The following UCHL5 variants were observed in gnomAD, a reference collection of about 807,000 sequenced individuals.
UCHL5 encodes ubiquitin C-terminal hydrolase L5, also known as ubiquitin carboxyl-terminal hydrolase isozyme L5.
UCHL5 carries 34 observed loss-of-function variants against 53.8 expected under a neutral mutation model. The ratio of observed to expected loss-of-function variants is 0.63; its 90% CI spans 0.48 to 0.84. The LOEUF (loss-of-function observed/expected upper bound fraction) is 0.84. Ranked by LOEUF, UCHL5 falls within the 40% of genes least tolerant of loss-of-function variation. The pLI is 0.00. For missense variants in UCHL5, 290 were observed against 385.6 expected (o/e 0.75, Z 2.08); for synonymous variants, 111 against 126.3 (o/e 0.88, Z 0.81).
At chr1:193,059,479 C>T (rs771708450), upstream of UCHL5, 1 of 1,606,324 alleles carries the variant, frequency 6.2e-7, no homozygotes, top group South Asian at 1.1e-5. The surrounding 1 kb of genome is among the most constrained non-coding windows in gnomAD (Gnocchi z 4.9). Context: ...CTTCCCAGGC[C>T]TTGCAGCACC....
At chr1:193,047,942 T>C (rs1667869585) in intron 3 of UCHL5, among the ~76,000 whole-genome samples, 2 of 152,206 alleles carry the variant, frequency 1.3e-5, no homozygotes, top group Admixed American at 6.5e-5. Flanking sequence ...AAAAAAGTCT[T>C]TGATAAAGCA....
chr1:193,057,240 TC>T (rs1277887277), intron 1 of UCHL5: 1 of 153,176 alleles, frequency 6.5e-6, no homozygotes, highest in African/African-American at 2.4e-5. Flanking sequence ...CCTCTTTTTT[TC>T]CCCAACTTTT....
intron 3 of UCHL5, among the ~76,000 whole-genome samples, chr1:193,036,317 C>CAAAAAAAAAAA (rs960496083): frequency 3.9e-4 from 20 of 50,778 alleles, no homozygotes; most frequent in East Asian, 6.6e-4. Context: ...AACTGGAAAC[C>CAAAAAAAAAAA]AAAAAAAAAA....
chr1:193,020,399 G>A, intron 10 of UCHL5: 1 of 1,546,800 alleles, frequency 6.5e-7, no homozygotes, highest in South Asian at 1.2e-5. Flanking sequence ...ACACAGACCA[G>A]TTGCATTAGA....
At chr1:193,019,511 G>A (rs193205073) in intron 10 of UCHL5, among the ~76,000 whole-genome samples, 1 of 151,626 alleles carries the variant, frequency 6.6e-6, no homozygotes, top group East Asian at 1.9e-4. Flanking sequence ...TATTGCTTCT[G>A]GAATATTAAT....
chr1:193,023,096 A>C, intron 8 of UCHL5, 60 bp from the exon 9 acceptor site: 1 of 1,246,666 alleles, frequency 8.0e-7, no homozygotes, highest in Non-Finnish European at 1.2e-6. Context: ...CATTCAGAAT[A>C]TTTTAAAATG....
chr1:193,041,841 G>C (rs1016816918), intron 3 of UCHL5, among the ~76,000 whole-genome samples: 1 of 152,136 alleles, frequency 6.6e-6, no homozygotes, highest in African/African-American at 2.4e-5. Context: ...GAAAAAAGTA[G>C]GCCAGGCTTA....
chr1:193,020,589 CT>C, intron 10 of UCHL5: 3 of 1,101,364 alleles, frequency 2.7e-6, no homozygotes, highest in Non-Finnish European at 3.6e-6. Context: ...TTTATTGTTA[CT>C]TATGAAAAAA....
chr1:193,029,745 A>G (rs1421406452), intron 3 of UCHL5, 88 bp from the exon 4 acceptor site: 18 of 1,022,962 alleles, frequency 1.8e-5, no homozygotes, highest in East Asian at 5.4e-5. Context: ...AAACATGAAC[A>G]GTTTTCAAAT....
intron 6 of UCHL5, 41 bp from the exon 7 acceptor site, chr1:193,028,189 A>T: frequency 6.6e-7 from 1 of 1,506,684 alleles, no homozygotes; most frequent in Non-Finnish European, 8.9e-7. Context: ...AATAAAAATA[A>T]GAACAATCAA....
intron 10 of UCHL5, chr1:193,018,782 C>G (rs1655794305): frequency 1.9e-6 from 3 of 1,549,410 alleles, no homozygotes; most frequent in Admixed American, 2.0e-5. Context: ...TTGTTTCCTT[C>G]TATTCCTTCT....
intron 3 of UCHL5, among the ~76,000 whole-genome samples, chr1:193,049,187 T>C (rs1034698937): frequency 5.9e-5 from 9 of 152,022 alleles, no homozygotes; most frequent in African/African-American, 1.9e-4. Flanking sequence ...CCAAGGCGGG[T>C]GTATCACCTG....
chr1:193,023,788 T>G (rs1233852431), intron 8 of UCHL5, 56 bp downstream of exon 8: 1 of 1,313,452 alleles, frequency 7.6e-7, no homozygotes, highest in African/African-American at 1.5e-5. Flanking sequence ...AAGTAAATAC[T>G]TTTCCTGAGA....
At chr1:193,017,628 A>C (rs1655315319) in intron 10 of UCHL5, among the ~76,000 whole-genome samples, 1 of 151,674 alleles carries the variant, frequency 6.6e-6, no homozygotes. Flanking sequence ...TATTGATCTG[A>C]GTATACTTAA....
intron 3 of UCHL5, among the ~76,000 whole-genome samples, chr1:193,038,568 G>A (rs1287860003): frequency 6.6e-6 from 1 of 152,008 alleles, no homozygotes; most frequent in Non-Finnish European, 1.5e-5. Flanking sequence ...GAGCAACCAG[G>A]CAAGAGAAGG....
intron 10 of UCHL5, among the ~76,000 whole-genome samples, 164 bp downstream of exon 10, chr1:193,020,933 T>A (rs748724497): frequency 6.6e-6 from 1 of 151,988 alleles, no homozygotes; most frequent in African/African-American, 2.4e-5. Context: ...ACAGTCTCAA[T>A]TGAACTAATT....
chr1:193,034,217 A>C (rs1476309765), intron 3 of UCHL5, among the ~76,000 whole-genome samples: 2 of 152,152 alleles, frequency 1.3e-5, no homozygotes, highest in African/African-American at 4.8e-5. Flanking sequence ...TTAATATAAT[A>C]CATAAAACCA....
rs1195013079 is a variant in UCHL5 at position 193,015,404 on chromosome 1, CAGA to C, written c.*944_*946del. ...CTGACTTGCAAAGGAAGATTAGAAG[CAGA>C]AGATTATTACAAAGCAACTCCCAAA... On this transcript the variant is annotated 3_prime_UTR_variant, in exon 11 of 11. Transcript: ENST00000367454. 3.3e-5 allele frequency: 5 copies of C among 152,052 alleles called. No homozygotes were observed. Among genetic ancestry groups the C allele is most frequent in the East Asian group, 1.9e-4 (1 of 5,190 alleles). 9.4% of individuals were successfully genotyped at this position (152,052 alleles called of 1,614,324 possible). A position where few individuals can be genotyped will look rare whatever the true frequency, so the allele number is the denominator to read the frequency against.
chr1:193,033,898 A>G (rs1662435321), intron 3 of UCHL5, among the ~76,000 whole-genome samples: 1 of 152,190 alleles, frequency 6.6e-6, no homozygotes. Flanking sequence ...AGTGTGAACA[A>G]AAGAACAAAT....
Sources: allele counts gnomAD v4.1 joint callset (sites outside exome capture counted in the v4.1 genomes callset), GRCh38; gene constraint gnomAD v4.1.1; non-coding constraint Gnocchi (gnomAD v3.1); transcripts MANE v1.5; gene names NCBI Gene and HGNC (gene_info 2026-07-23, HGNC 2026-07-21).